The following AGBL1 variants were observed in gnomAD, a reference collection of about 807,000 sequenced individuals.
AGBL1 encodes the protein AGBL carboxypeptidase 1.
Under a neutral mutation model 118.9 loss-of-function variants are expected in AGBL1, and 130 were observed. The ratio of observed to expected loss-of-function variants is 1.09; its 90% CI spans 0.95 to 1.26. AGBL1 has a LOEUF of 1.26. Ranked by LOEUF, AGBL1 falls within the 50% of genes most tolerant of loss-of-function variation. The pLI, the probability that AGBL1 is intolerant of heterozygous loss-of-function variation, is 0.00. For missense variants in AGBL1, 1,584 were observed against 1,298.1 expected (o/e 1.22, Z -3.38); for synonymous variants, 555 against 478.9 (o/e 1.16, Z -2.08).
At chr15:86,632,628 A>ATT in intron 21 of AGBL1, among the ~76,000 whole-genome samples, 1 of 120,926 alleles carries the variant, frequency 8.3e-6, no homozygotes, top group African/African-American at 3.2e-5. Context: ...AAATCTCATC[A>ATT]TGTTTTTTTT....
intron 21 of AGBL1, among the ~76,000 whole-genome samples, chr15:86,587,442 G>T (rs1437416744): frequency 6.6e-6 from 1 of 152,108 alleles, no homozygotes; most frequent in African/African-American, 2.4e-5. Flanking sequence ...GATTATATTT[G>T]GTTGCTTGGG....
chr15:86,720,151 A>C (rs995779141), intron 22 of AGBL1, among the ~76,000 whole-genome samples: 1 of 152,188 alleles, frequency 6.6e-6, no homozygotes, highest in Non-Finnish European at 1.5e-5. Flanking sequence ...CCATACTTAC[A>C]TGGGCAATCA....
At chr15:86,918,752 A>G (rs2080455560), downstream of AGBL1, among the ~76,000 whole-genome samples, 1 of 152,226 alleles carries the variant, frequency 6.6e-6, no homozygotes, top group African/African-American at 2.4e-5. Context: ...AAATACGTGA[A>G]GCACACTATA....
At chr15:86,477,336 A>C (rs2082574898) in intron 18 of AGBL1, among the ~76,000 whole-genome samples, 1 of 152,222 alleles carries the variant, frequency 6.6e-6, no homozygotes, top group African/African-American at 2.4e-5. Context: ...GACTGCTAGC[A>C]AGACTGATAA....
intron 23 of AGBL1, among the ~76,000 whole-genome samples, chr15:86,983,922 A>G (rs1458531194): frequency 6.6e-6 from 1 of 152,228 alleles, no homozygotes; most frequent in Non-Finnish European, 1.5e-5. Context: ...AACGGTTTGC[A>G]TACCCACTCT....
At chr15:86,817,463 T>G (rs979988668) in intron 22 of AGBL1, among the ~76,000 whole-genome samples, 59 of 133,480 alleles carry the variant, frequency 4.4e-4, no homozygotes, top group Non-Finnish European at 5.2e-4. Flanking sequence ...CTCTGAGAGA[T>G]ACACACACAC....
intron 5 of AGBL1, among the ~76,000 whole-genome samples, chr15:86,166,891 T>A (rs989255446): frequency 2.0e-5 from 3 of 152,172 alleles, no homozygotes; most frequent in Non-Finnish European, 4.4e-5. Context: ...CACTTTCCCC[T>A]GATGACGGTC....
intron 17 of AGBL1, among the ~76,000 whole-genome samples, chr15:86,366,801 T>C (rs2141933999): frequency 6.6e-6 from 1 of 152,260 alleles, no homozygotes; most frequent in East Asian, 1.9e-4. Context: ...AACTATATGA[T>C]CTTGGGGGGA....
intron 5 of AGBL1, among the ~76,000 whole-genome samples, chr15:86,205,996 A>C (rs556043505): frequency 6.6e-6 from 1 of 152,232 alleles, no homozygotes; most frequent in East Asian, 1.9e-4. Flanking sequence ...ACCCCACGAC[A>C]GTCCTCTGTG....
intron 22 of AGBL1, among the ~76,000 whole-genome samples, chr15:86,687,213 A>C (rs2086074569): frequency 6.6e-6 from 1 of 152,180 alleles, no homozygotes; most frequent in Admixed American, 6.6e-5. Flanking sequence ...GCCATTTTCA[A>C]GAGCACACCT....
chr15:87,005,569 G>C (rs1332885541), intron 24 of AGBL1, among the ~76,000 whole-genome samples: 1 of 152,136 alleles, frequency 6.6e-6, no homozygotes, highest in African/African-American at 2.4e-5. Flanking sequence ...CTCTGCATTA[G>C]TCAATCTGAT....
intron 17 of AGBL1, among the ~76,000 whole-genome samples, chr15:86,323,909 T>G (rs1036167493): frequency 6.6e-6 from 1 of 152,164 alleles, no homozygotes; most frequent in Non-Finnish European, 1.5e-5. Context: ...ATGACTTGCT[T>G]TTTGGAAAGG....
chr15:86,431,271 C>G (rs1453817339), intron 18 of AGBL1, among the ~76,000 whole-genome samples: 1 of 152,144 alleles, frequency 6.6e-6, no homozygotes, highest in Non-Finnish European at 1.5e-5. Flanking sequence ...GGTCTTGGGA[C>G]AAGTTACATA....
chr15:86,995,717 T>C (rs372973645), intron 24 of AGBL1, among the ~76,000 whole-genome samples: 1 of 152,240 alleles, frequency 6.6e-6, no homozygotes, highest in Non-Finnish European at 1.5e-5. Context: ...TTTTAGTTTT[T>C]AATTTTAACA....
Position 86,266,448 on chromosome 15 carries a change from A to T in AGBL1, c.1742A>T (p.Asp581Val). ...ATAAATAAAGTTGTCTTCAGTTTAG[A>T]TGAGCCTTGGTAGGTAGTCTCGTGC... ...DVINKVVFSL[D>V]EPWPLQDNAS... The change falls in exon 12 of 23, where the codon GAT (aspartate) becomes GTT (valine). Residue 581 changes from aspartate (D) to valine (V), a missense_variant. Transcript: ENST00000614907. 6.4e-7 allele frequency: 1 copy of T among 1,565,634 alleles called. No homozygotes were observed. The highest frequency in any genetic ancestry group is 1.2e-5 in the South Asian group (1 of 84,888).
At position 87,026,775 on chromosome 15, in the gene AGBL1, G is replaced by A. The variant is rs187006083; in HGVS notation, c.3324-2050G>A. On this transcript the variant is annotated intron_variant, in intron 24 of 24. Coordinates refer to the AGBL1 transcript ENST00000441037. ...TTGATAAGTGGATAAAGAAACTGTG[G>A]TATATATACACAGTGGAATACTACT... is the stretch of plus-strand genomic sequence containing the variant. Among the ~76,000 whole-genome samples the A allele has an allele frequency of 5.1e-4, 78 of 152,070 alleles. No homozygotes were observed. The East Asian group carries it at 8.3e-3, about 16-fold the overall frequency.
intron 23 of AGBL1, among the ~76,000 whole-genome samples, chr15:86,940,078 T>G (rs2080731091): frequency 7.1e-6 from 1 of 140,716 alleles, no homozygotes; most frequent in Non-Finnish European, 1.5e-5. Flanking sequence ...TTTTTTTTTT[T>G]TTTTTTTTTT....
At chr15:87,007,425 G>A (rs1485913512) in intron 24 of AGBL1, among the ~76,000 whole-genome samples, 2 of 152,114 alleles carry the variant, frequency 1.3e-5, no homozygotes, top group African/African-American at 4.8e-5. Flanking sequence ...AAATTTGCAG[G>A]TACTCTGGAC....
intron 18 of AGBL1, among the ~76,000 whole-genome samples, chr15:86,451,203 C>T (rs1478913986): frequency 1.1e-5 from 1 of 93,658 alleles, no homozygotes; most frequent in Non-Finnish European, 2.0e-5. Context: ...GCATGTGTGA[C>T]TTTCTCAGTA....
Sources: gnomAD v4.1 joint callset for allele counts (sites outside exome capture counted in the v4.1 genomes callset) on GRCh38, gnomAD v4.1.1 for gene constraint, MANE v1.5 for transcripts, NCBI Gene and HGNC (gene_info 2026-07-23, HGNC 2026-07-21) for gene names.